The following HOGA1 variants were observed in gnomAD, a reference collection of about 807,000 sequenced individuals.
The protein encoded by HOGA1 is 4-hydroxy-2-oxoglutarate aldolase, mitochondrial.
Under a neutral mutation model 34.3 loss-of-function variants are expected in HOGA1, and 30 were observed. The ratio of observed to expected loss-of-function variants is 0.87; its 90% CI spans 0.65 to 1.19. The LOEUF is 1.19. Ranked by LOEUF, HOGA1 falls within the 50% of genes most tolerant of loss-of-function variation. The pLI, the probability that HOGA1 is intolerant of heterozygous loss-of-function variation, is 0.00. For missense variants in HOGA1, 417 were observed against 436.5 expected (o/e 0.96, Z 0.40); for synonymous variants, 161 against 174.0 (o/e 0.93, Z 0.59).
Position 97,611,626 on chromosome 10 carries a change from G to A in HOGA1, c.951G>A (p.Leu317=). The A allele has an allele frequency of 6.2e-7, 1 of 1,614,102 alleles. No individual in the cohort carries two copies. Among genetic ancestry groups the A allele is most frequent in the African/African-American group, 1.3e-5 (1 of 75,076 alleles). ...QELSPAEEEA[L]RMDFTSNGWL Reference sequence around the variant, plus strand: ...TGAGCCCCGCTGAGGAGGAGGCACTGCGCATGGATTTCACCAGCAACGGCT... The same window carrying A: ...TGAGCCCCGCTGAGGAGGAGGCACTACGCATGGATTTCACCAGCAACGGCT... Residue 317 remains leucine (L), a synonymous_variant, in exon 7 of 7, where the codon CTG becomes CTA. Coordinates refer to ENST00000370646, the MANE Select transcript of HOGA1 (RefSeq NM_138413.4).
Position 97,611,871 on chromosome 10 carries a change from C to G in HOGA1, c.*212C>G. 3.4e-6 allele frequency: 2 copies of G among 592,794 alleles called. No individual in the cohort carries two copies. Among genetic ancestry groups the G allele is most frequent in the East Asian group, 2.8e-5 (1 of 35,382 alleles). The allele number at this position is 592,794 out of a possible 1,614,324, so 36.7% of individuals were successfully genotyped here. ...GGCCCCTGACCTCTCCCTTTTGGAT[C>G]CTAAACTGTGTCTCTGGTCTGAAGA... On this transcript the variant is annotated 3_prime_UTR_variant, in exon 7 of 7. Transcript: ENST00000370646.
intron 6 of HOGA1, among the ~76,000 whole-genome samples, chr10:97,607,715 A>G (rs1053578382): frequency 6.6e-6 from 1 of 152,108 alleles, no homozygotes; most frequent in Admixed American, 6.6e-5. Flanking sequence ...TAACGTCCAG[A>G]GCTTTTAGTT....
At chr10:97,588,011 C>G (rs964863553) in intron 1 of HOGA1, among the ~76,000 whole-genome samples, 1 of 150,990 alleles carries the variant, frequency 6.6e-6, no homozygotes, top group African/African-American at 2.4e-5. Context: ...GGGATTTTGC[C>G]GTGTTGCCCA....
chr10:97,587,835 G>A (rs1018718088), intron 1 of HOGA1, among the ~76,000 whole-genome samples: 2 of 150,174 alleles, frequency 1.3e-5, no homozygotes, highest in African/African-American at 4.9e-5. Context: ...TTTAAGATGG[G>A]GTCTCAGTCT....
Position 97,611,690 on chromosome 10 carries a change from C to T in HOGA1, c.*31C>T. ...GGCAGGGTCCATGGCTGGCCTGAGC[C>T]CATCTCAGCCTCCTGCCTTGCACTT... On this transcript the variant is annotated 3_prime_UTR_variant, in exon 7 of 7. Coordinates refer to ENST00000370646, the MANE Select transcript of HOGA1 (RefSeq NM_138413.4). 6.2e-7 allele frequency: 1 copy of T among 1,601,244 alleles called. No individual in the cohort carries two copies. Among genetic ancestry groups the T allele is most frequent in the South Asian group, 1.1e-5 (1 of 90,076 alleles).
Position 97,584,739 on chromosome 10 carries a change from G to A in HOGA1, c.36G>A (p.Gln12=). Reference sequence around the variant, plus strand: ...CCCAAGTCTGGTCTTCTGTGAGGCAGGGGCTAAGCAGGAGCTTGTCCAGGA... The same window carrying A: ...CCCAAGTCTGGTCTTCTGTGAGGCAAGGGCTAAGCAGGAGCTTGTCCAGGA... ...LGPQVWSSVR[Q]GLSRSLSRNV... Residue 12 remains glutamine (Q), a synonymous_variant, in exon 1 of 7, where the codon CAG becomes CAA. Coordinates refer to ENST00000370646, the MANE Select transcript of HOGA1 (RefSeq NM_138413.4). 6.2e-7 allele frequency: 1 copy of A among 1,612,178 alleles called. No homozygotes were observed. The highest frequency in any genetic ancestry group is 8.5e-7 in the Non-Finnish European group (1 of 1,178,800).
In HOGA1 at chr10:97,606,121, A is replaced by G. The variant is rs558282619; in HGVS notation, c.834+4131A>G. On this transcript the variant is annotated intron_variant, in intron 6 of 6. Transcript: ENST00000370646. Reference sequence around the variant, plus strand: ...GAGATGGTGAAACCCCGTCTCTACTAAAAATACAAAAAAAAAAAAAAAAAA... The same window carrying G: ...GAGATGGTGAAACCCCGTCTCTACTGAAAATACAAAAAAAAAAAAAAAAAA... Among the ~76,000 whole-genome samples, 847 of 127,356 alleles carry G rather than the reference A, an allele frequency of 6.7e-3. 7 individuals are homozygous for G. The highest frequency in any genetic ancestry group is 0.036 in the South Asian group (138 of 3,826). 83.6% of individuals were successfully genotyped at this position (127,356 alleles called of 152,430 possible). A position where few individuals can be genotyped will look rare whatever the true frequency, so the allele number is the denominator to read the frequency against.
chr10:97,611,585 G>GT lies in HOGA1; in HGVS notation c.910_911insT (p.Ala304ValfsTer10). Reference sequence around the variant, plus strand: ...TGGCTACTATGGAGGCCCCTGCCGCGCCCCCTTGCAGGAGCTGAGCCCCGC... The same window carrying GT: ...TGGCTACTATGGAGGCCCCTGCCGCGTCCCCCTTGCAGGAGCTGAGCCCCGC... On this transcript the variant is annotated frameshift_variant, in exon 7 of 7. Coordinates refer to ENST00000370646, the MANE Select transcript of HOGA1 (RefSeq NM_138413.4). LOFTEE classifies it high-confidence loss of function. 2 of 1,614,180 alleles carry GT rather than the reference G, an allele frequency of 1.2e-6. No homozygotes were observed. Among genetic ancestry groups the GT allele is most frequent in the Non-Finnish European group, 1.7e-6 (2 of 1,180,030 alleles).
intron 3 of HOGA1, 149 bp from the exon 4 acceptor site, chr10:97,599,531 C>A: frequency 9.9e-7 from 1 of 1,006,818 alleles, no homozygotes; most frequent in Non-Finnish European, 1.5e-6. Flanking sequence ...ACTGTGATTG[C>A]TTACACTCGG....
At chr10:97,610,924 T>C (rs1241235260) in intron 6 of HOGA1, among the ~76,000 whole-genome samples, 5 of 152,220 alleles carry the variant, frequency 3.3e-5, no homozygotes, top group Non-Finnish European at 1.5e-5. Flanking sequence ...GAGAACTTAC[T>C]CAGAGATAAT....
rs1463926874 is a variant in HOGA1 at position 97,584,769 on chromosome 10, G to T, written c.66G>T (p.Val22=). The change falls in exon 1 of 7, where the codon GTG becomes GTT. Residue 22 remains valine (V), a synonymous_variant. Coordinates refer to ENST00000370646, the MANE Select transcript of HOGA1 (RefSeq NM_138413.4). ...TAAGCAGGAGCTTGTCCAGGAATGT[G>T]GGGGTCTGGGCCTCAGGGGAGGGGA... The part of the protein sequence containing the change: ...QGLSRSLSRN[V]GVWASGEGKK... The T allele has an allele frequency of 6.2e-7, 1 of 1,613,672 alleles. No individual in the cohort carries two copies.
At chr10:97,596,651 C>T (rs570654633) in intron 1 of HOGA1, among the ~76,000 whole-genome samples, 43 of 146,146 alleles carry the variant, frequency 2.9e-4, no homozygotes, top group Non-Finnish European at 2.8e-4. Flanking sequence ...CCCACAGGAG[C>T]GAGAAGCTGT....
At chr10:97,590,092 G>T in intron 1 of HOGA1, 1 of 1,614,148 alleles carries the variant, frequency 6.2e-7, no homozygotes, top group Non-Finnish European at 8.5e-7. Context: ...CTGAGAGTGG[G>T]AGTGAAGAGG....
In HOGA1 at chr10:97,612,662, A is replaced by G. The variant is rs901782721; in HGVS notation, c.*1003A>G. On this transcript the variant is annotated 3_prime_UTR_variant, in exon 7 of 7. Transcript: ENST00000370646. ...ACCTGGTGGATAAATGTTACATTCT[A>G]GAAGACTATTCTGGTCAGCCTAGGT... The G allele has an allele frequency of 6.6e-6, 1 of 152,238 alleles. No individual in the cohort carries two copies. Among genetic ancestry groups the G allele is most frequent in the Non-Finnish European group, 1.5e-5 (1 of 68,042 alleles). 9.4% of individuals were successfully genotyped at this position (152,238 alleles called of 1,614,324 possible).
intron 6 of HOGA1, 174 bp downstream of exon 6, chr10:97,602,164 C>A (rs916259244): frequency 1.3e-6 from 2 of 1,548,644 alleles, no homozygotes; most frequent in Non-Finnish European, 1.7e-6. Context: ...ATCCTGACTT[C>A]GGACAAAGTC....
intron 1 of HOGA1, among the ~76,000 whole-genome samples, chr10:97,595,699 C>T (rs1235773593): frequency 1.3e-5 from 2 of 152,088 alleles, no homozygotes; most frequent in Non-Finnish European, 2.9e-5. Flanking sequence ...TGTCTCAAAA[C>T]AAAACAAAAC....
intron 5 of HOGA1, among the ~76,000 whole-genome samples, chr10:97,601,134 G>A (rs1458911597): frequency 6.6e-6 from 1 of 152,156 alleles, no homozygotes; most frequent in Non-Finnish European, 1.5e-5. Flanking sequence ...GGGACACATA[G>A]TAGGTATTCC....
chr10:97,608,080 C>T (rs117280307), intron 6 of HOGA1, among the ~76,000 whole-genome samples: 413 of 152,254 alleles, frequency 2.7e-3, no homozygotes, highest in Non-Finnish European at 5.0e-3. Flanking sequence ...GAGGCTGAGG[C>T]AGGAAGATCA....
intron 1 of HOGA1, chr10:97,590,070 A>G (rs200831134): frequency 7.0e-5 from 113 of 1,614,026 alleles, no homozygotes; most frequent in Non-Finnish European, 4.0e-5. Context: ...GCTAGTGGCA[A>G]TGCTACCCAG....
Sources: gnomAD v4.1 joint callset for allele counts (sites outside exome capture counted in the v4.1 genomes callset) on GRCh38, gnomAD v4.1.1 for gene constraint, MANE v1.5 for transcripts, NCBI Gene and HGNC (gene_info 2026-07-23, HGNC 2026-07-21) for gene names.